The following WDR88 variants were observed in gnomAD, a reference collection of about 807,000 sequenced individuals.
The protein encoded by WDR88 is WD repeat-containing protein 88.
WDR88 carries 40 observed loss-of-function variants against 46.8 expected under a neutral mutation model. The observed-to-expected ratio is 0.86, with a 90% CI of 0.66 to 1.11. WDR88 has a LOEUF of 1.11. WDR88 is among the 50% of genes most tolerant of loss of function. The pLI, the probability that WDR88 is intolerant of heterozygous loss-of-function variation, is 0.00. For synonymous variants in WDR88, 235 were observed against 240.7 expected (o/e 0.98, Z 0.22); for missense variants, 562 against 602.4 (o/e 0.93, Z 0.70).
intron 8 of WDR88, among the ~76,000 whole-genome samples, chr19:33,162,630 G>A (rs1377232302): frequency 2.0e-5 from 3 of 152,098 alleles, no homozygotes; most frequent in Non-Finnish European, 4.4e-5. Flanking sequence ...GGGCCTCTGA[G>A]GGGTATTTCC....
At chr19:33,162,747 G>A (rs1973890302) in intron 8 of WDR88, among the ~76,000 whole-genome samples, 1 of 152,006 alleles carries the variant, frequency 6.6e-6, no homozygotes, top group Non-Finnish European at 1.5e-5. Flanking sequence ...ATACACAGTG[G>A]CACACACATT....
chr19:33,141,247 T>TTTTTTTTTTTC (rs1973389535), intron 2 of WDR88, among the ~76,000 whole-genome samples: 1 of 134,086 alleles, frequency 7.5e-6, no homozygotes, highest in Non-Finnish European at 1.7e-5. Flanking sequence ...TTTTCTTTTT[T>TTTTTTTTTTTC]GACACAGGAT....
intron 1 of WDR88, among the ~76,000 whole-genome samples, chr19:33,133,858 C>A (rs559457988): frequency 6.6e-6 from 1 of 152,320 alleles, no homozygotes; most frequent in East Asian, 1.9e-4. Context: ...TCTAAAGTAG[C>A]CAGGGCCACT....
At chr19:33,172,702 G>T (rs1974058486) in intron 10 of WDR88, among the ~76,000 whole-genome samples, 1 of 152,130 alleles carries the variant, frequency 6.6e-6, no homozygotes, top group Admixed American at 6.6e-5. Flanking sequence ...GAGGTTGCAA[G>T]ATTTTAAAGG....
At chr19:33,146,461 TTCTTTCC>T (rs1568362558) in intron 3 of WDR88, among the ~76,000 whole-genome samples, 138 of 112,544 alleles carry the variant, frequency 1.2e-3, no homozygotes, top group African/African-American at 3.9e-3. Context: ...CCTTCCTTCC[TTCTTTCC>T]TTCCTTCCTT....
At chr19:33,170,913 T>A (rs1024251470) in intron 9 of WDR88, among the ~76,000 whole-genome samples, 4 of 152,056 alleles carry the variant, frequency 2.6e-5, no homozygotes, top group African/African-American at 9.7e-5. Context: ...TTCTGTACAT[T>A]TCGAGGAAGG....
chr19:33,140,158 C>T (rs1052901380), intron 2 of WDR88, among the ~76,000 whole-genome samples: 1 of 152,080 alleles, frequency 6.6e-6, no homozygotes, highest in Non-Finnish European at 1.5e-5. Context: ...GGAATTTTTT[C>T]TTTGTTTTGT....
intron 6 of WDR88, among the ~76,000 whole-genome samples, chr19:33,155,638 A>G (rs2145398658): frequency 6.6e-6 from 1 of 152,198 alleles, no homozygotes; most frequent in African/African-American, 2.4e-5. Flanking sequence ...AGCAGGAGAG[A>G]GCCTCTGTGT....
chr19:33,156,593 G>C, intron 7 of WDR88, 51 bp downstream of exon 7: 2 of 1,569,256 alleles, frequency 1.3e-6, no homozygotes, highest in Non-Finnish European at 1.7e-6. Context: ...GTGCTGGGCA[G>C]AGTTCTCCAT....
At chr19:33,171,564 T>A (rs1974039012) in intron 9 of WDR88, among the ~76,000 whole-genome samples, 1 of 152,164 alleles carries the variant, frequency 6.6e-6, no homozygotes, top group Non-Finnish European at 1.5e-5. Flanking sequence ...GTTTAAACAT[T>A]AAACAACATA....
At chr19:33,141,868 ATG>A (rs1973402616) in intron 2 of WDR88, among the ~76,000 whole-genome samples, 1 of 151,888 alleles carries the variant, frequency 6.6e-6, no homozygotes, top group African/African-American at 2.4e-5. Flanking sequence ...TTTAGTAGAG[ATG>A]GGGTTTCATC....
At chr19:33,145,406 T>G (rs1479133947) in intron 3 of WDR88, among the ~76,000 whole-genome samples, 1 of 152,096 alleles carries the variant, frequency 6.6e-6, no homozygotes, top group Non-Finnish European at 1.5e-5. Flanking sequence ...TGCCTTGGCA[T>G]CCCAAAGTGC....
chr19:33,170,663 C>A (rs1474031566), intron 9 of WDR88, among the ~76,000 whole-genome samples: 1 of 152,074 alleles, frequency 6.6e-6, no homozygotes, highest in African/African-American at 2.4e-5. Context: ...GAGTTTGAGA[C>A]CAGCCTGGGC....
chr19:33,175,026 G>C, intron 10 of WDR88: 1 of 984,162 alleles, frequency 1.0e-6, no homozygotes, highest in Non-Finnish European at 1.2e-6. Context: ...CTTGAGGCCA[G>C]GAGTTCAAGA....
chr19:33,160,620 G>A, intron 8 of WDR88, 124 bp downstream of exon 8: 1 of 1,010,238 alleles, frequency 9.9e-7, no homozygotes, highest in Admixed American at 2.2e-5. Flanking sequence ...GTGGGCTGAT[G>A]AAGGACAGAC....
At chr19:33,173,148 A>G (rs747478309) in intron 10 of WDR88, among the ~76,000 whole-genome samples, 3 of 106,324 alleles carry the variant, frequency 2.8e-5, no homozygotes, top group African/African-American at 1.3e-4. Flanking sequence ...AGCATAGAGA[A>G]CAGCCAATGC....
intron 2 of WDR88, among the ~76,000 whole-genome samples, chr19:33,138,448 A>G (rs1329152760): frequency 1.3e-5 from 2 of 152,104 alleles, no homozygotes. Flanking sequence ...CCCGGGTTCA[A>G]GTGATTGTCC....
chr19:33,157,987 T>G (rs1973794692), intron 7 of WDR88, among the ~76,000 whole-genome samples: 1 of 152,036 alleles, frequency 6.6e-6, no homozygotes, highest in South Asian at 2.1e-4. Flanking sequence ...AACCCCCTGA[T>G]GCAGAGGGAC....
chr19:33,157,902 T>G (rs897859646), intron 7 of WDR88, among the ~76,000 whole-genome samples: 1 of 151,346 alleles, frequency 6.6e-6, no homozygotes, highest in African/African-American at 2.4e-5. Context: ...AATGAATCAC[T>G]TAGGGGGCAA....
Sources: gnomAD v4.1 joint callset for allele counts (sites outside exome capture counted in the v4.1 genomes callset) on GRCh38, gnomAD v4.1.1 for gene constraint, MANE v1.5 for transcripts, NCBI Gene and HGNC (gene_info 2026-07-23, HGNC 2026-07-21) for gene names.